The following PLA2G4A variants were observed in gnomAD, a reference collection of about 807,000 sequenced individuals.
PLA2G4A encodes cytosolic phospholipase A2.
In PLA2G4A, 40 loss-of-function variants were observed where a neutral mutation model predicts 81.9. That is an observed-to-expected ratio of 0.49 (90% CI 0.38 to 0.64). The LOEUF (loss-of-function observed/expected upper bound fraction) is 0.64. PLA2G4A is among the 30% of genes least tolerant of loss of function. The pLI is 0.00. For synonymous variants in PLA2G4A, 302 were observed against 296.9 expected, an observed-to-expected ratio of 1.02 and a Z score of -0.18; for missense variants, 715 against 905.1, an observed-to-expected ratio of 0.79 and a Z score of 2.69.
At chr1:186,950,785 CTG>C in intron 13 of PLA2G4A, 57 bp downstream of exon 13, 1 of 903,578 alleles carries the variant, frequency 1.1e-6, no homozygotes, top group Non-Finnish European at 1.9e-6. Flanking sequence ...TATGAACACT[CTG>C]TCTGATTTTC....
chr1:186,921,982 C>A (rs1422057235), intron 7 of PLA2G4A, among the ~76,000 whole-genome samples: 1 of 152,090 alleles, frequency 6.6e-6, no homozygotes, highest in African/African-American at 2.4e-5. Context: ...GATGGCCAAC[C>A]CACCTCTAAT....
intron 2 of PLA2G4A, among the ~76,000 whole-genome samples, chr1:186,858,817 A>G (rs1159240338): frequency 6.6e-6 from 1 of 151,988 alleles, no homozygotes; most frequent in Non-Finnish European, 1.5e-5. Flanking sequence ...ATTCTAATTT[A>G]TAGCCCTTTT....
intron 14 of PLA2G4A, among the ~76,000 whole-genome samples, chr1:186,962,560 C>A (rs1435642209): frequency 6.6e-6 from 1 of 151,398 alleles, no homozygotes; most frequent in Non-Finnish European, 1.5e-5. Context: ...CTTGCTCTGT[C>A]GCCCAGGCTG....
chr1:186,988,193 G>T (rs547113270), intron 17 of PLA2G4A, among the ~76,000 whole-genome samples, 184 bp from the exon 18 acceptor site: 76 of 152,222 alleles, frequency 5.0e-4, no homozygotes, highest in South Asian at 1.2e-3. Context: ...CTGAATATAA[G>T]CTTAACAAGA....
intron 2 of PLA2G4A, 50 bp from the exon 3 acceptor site, chr1:186,870,385 A>C (rs1217712481): frequency 9.7e-7 from 1 of 1,032,766 alleles, no homozygotes; most frequent in Non-Finnish European, 1.5e-6. Flanking sequence ...GGAAAAAATG[A>C]GGTTCTATGT....
In PLA2G4A at chr1:186,939,986, A is replaced by T. The variant is rs1395436445; in HGVS notation, c.925A>T (p.Asn309Tyr). Residue 309 changes from asparagine (N) to tyrosine (Y), a missense_variant, in exon 10 of 18, where the codon AAT becomes TAT. Physicochemically the swap from Asn to Tyr is moderately radical, Grantham distance 143 (BLOSUM62 -2). Coordinates refer to ENST00000367466, the MANE Select transcript of PLA2G4A (RefSeq NM_024420.3). ...IGETLIHNRM[N>Y]TTLSSLKEKV... is the part of the protein sequence containing the mutation. Reference sequence around the variant, plus strand: ...TTCTTTCTTCTGTGGACAGAGAATGAATACTACTCTGAGCAGTTTGAAGGA... The same window carrying T: ...TTCTTTCTTCTGTGGACAGAGAATGTATACTACTCTGAGCAGTTTGAAGGA... 6.8e-7 allele frequency: 1 copy of T among 1,464,106 alleles called. No individual in the cohort carries two copies. Among genetic ancestry groups the T allele is most frequent in the East Asian group, 2.3e-5 (1 of 44,176 alleles). The allele number at this position is 1,464,106 out of a possible 1,614,324, so 90.7% of individuals were successfully genotyped here.
chr1:186,838,082 A>G (rs931418553), intron 1 of PLA2G4A, among the ~76,000 whole-genome samples: 2 of 152,160 alleles, frequency 1.3e-5, no homozygotes, highest in Non-Finnish European at 2.9e-5. Flanking sequence ...GAGTGAGAGA[A>G]GGGAATAAAG....
chr1:186,910,807 T>A (rs772754292), intron 6 of PLA2G4A, among the ~76,000 whole-genome samples: 1 of 152,208 alleles, frequency 6.6e-6, no homozygotes, highest in African/African-American at 2.4e-5. Flanking sequence ...TCTGCAAGTA[T>A]GTTCCTCAGA....
chr1:186,950,632 CA>C, intron 12 of PLA2G4A, 24 bp from the exon 13 acceptor site: 1 of 1,347,784 alleles, frequency 7.4e-7, no homozygotes, highest in Non-Finnish European at 1.1e-6. Flanking sequence ...TGAAATGCTT[CA>C]ATTTTTTTGT....
intron 14 of PLA2G4A, among the ~76,000 whole-genome samples, chr1:186,964,855 G>C (rs1363215505): frequency 6.6e-6 from 1 of 152,146 alleles, no homozygotes; most frequent in African/African-American, 2.4e-5. Flanking sequence ...GTGTTGGCTG[G>C]ATGATTTCCT....
chr1:186,962,258 C>A (rs1019793476), intron 14 of PLA2G4A, among the ~76,000 whole-genome samples: 6 of 151,950 alleles, frequency 3.9e-5, no homozygotes, highest in African/African-American at 1.5e-4. Context: ...CATGGGTATG[C>A]ATGTGTAAGA....
In PLA2G4A at chr1:186,889,033, G is replaced by A. The variant is rs112039227; in HGVS notation, c.116-3978G>A. Among the ~76,000 whole-genome samples, 1,475 of 152,196 alleles carry A rather than the reference G, an allele frequency of 9.7e-3. 12 individuals are homozygous for A. Among genetic ancestry groups the A allele is most frequent in the Middle Eastern group, 0.017 (5 of 294 alleles). ...AGTTTTACTTCTGATTTGCAATCCT[G>A]AGCACTGGTGATATGGTAGAAACAT... On this transcript the variant is annotated intron_variant, in intron 3 of 17. Coordinates refer to ENST00000367466, the MANE Select transcript of PLA2G4A (RefSeq NM_024420.3).
At chr1:186,839,124 A>G (rs1179715007) in intron 1 of PLA2G4A, among the ~76,000 whole-genome samples, 1 of 152,308 alleles carries the variant, frequency 6.6e-6, no homozygotes, top group Non-Finnish European at 1.5e-5. Context: ...CTCTTCACAT[A>G]AAAATGATTT....
rs560491274 is a variant in PLA2G4A, at chr1:186,896,148, T to C, written c.378+1937T>C. On this transcript the variant is annotated intron_variant, in intron 5 of 17. Transcript: ENST00000367466. ...TTAAAAGTATGTTAATACTATAAAGTAATTAAAATAAGTGATTAAATATAT... is the reference window on the plus strand; with the variant it reads ...TTAAAAGTATGTTAATACTATAAAGCAATTAAAATAAGTGATTAAATATAT... 2.6e-5 allele frequency among the ~76,000 whole-genome samples: 4 copies of C among 152,260 alleles called. No homozygotes were observed. In the East Asian group the frequency reaches 7.7e-4, roughly 29 times the overall value.
chr1:186,830,754 T>C (rs1001518693), intron 1 of PLA2G4A, among the ~76,000 whole-genome samples: 4 of 152,120 alleles, frequency 2.6e-5, no homozygotes, highest in Admixed American at 2.6e-4. Context: ...GGCTTATGTT[T>C]TTAACCCATT....
intron 14 of PLA2G4A, 143 bp from the exon 15 acceptor site, chr1:186,965,260 AGTTGGT>A: frequency 1.5e-6 from 1 of 649,144 alleles, no homozygotes; most frequent in South Asian, 1.8e-5. Flanking sequence ...CAATTGCTAA[AGTTGGT>A]TTCATGCCCA....
chr1:186,949,925 A>G (rs1236774849), intron 12 of PLA2G4A, among the ~76,000 whole-genome samples: 1 of 152,100 alleles, frequency 6.6e-6, no homozygotes, highest in African/African-American at 2.4e-5. Flanking sequence ...AATCCCAGCT[A>G]CTCAGGAGGC....
chr1:186,883,930 G>A (rs940995808), intron 3 of PLA2G4A, among the ~76,000 whole-genome samples: 15 of 152,108 alleles, frequency 9.9e-5, no homozygotes, highest in African/African-American at 3.6e-4. Context: ...AATCTTTGAT[G>A]TAGGAGAGAA....
intron 5 of PLA2G4A, among the ~76,000 whole-genome samples, chr1:186,895,283 G>A (rs1236386991): frequency 6.6e-6 from 1 of 152,110 alleles, no homozygotes; most frequent in Non-Finnish European, 1.5e-5. Flanking sequence ...AACCAACTTA[G>A]CCCAAATGAG....
Sources: gnomAD v4.1 joint callset for allele counts (sites outside exome capture counted in the v4.1 genomes callset) on GRCh38, gnomAD v4.1.1 for gene constraint, MANE v1.5 for transcripts, NCBI Gene and HGNC (gene_info 2026-07-23, HGNC 2026-07-21) for gene names.